Variants in FBXO34 observed in about 807,000 individuals in gnomAD.
The protein encoded by FBXO34 is F-box protein 34.
In FBXO34, 12 loss-of-function variants were observed where a neutral mutation model predicts 24.5. The ratio of observed to expected loss-of-function variants is 0.49; its 90% CI spans 0.31 to 0.79. The LOEUF (loss-of-function observed/expected upper bound fraction) is 0.79, where lower values mean the gene tolerates loss of function less well. Ranked by LOEUF, FBXO34 falls within the 30% of genes least tolerant of loss-of-function variation. FBXO34 has a pLI of 0.04. For synonymous variants in FBXO34, 320 were observed against 311.9 expected (o/e 1.03, Z -0.27); for missense variants, 823 against 857.7 (o/e 0.96, Z 0.51).
At chr14:55,348,620 A>G (rs1015599918) in intron 1 of FBXO34, among the ~76,000 whole-genome samples, 5 of 151,966 alleles carry the variant, frequency 3.3e-5, no homozygotes, top group Non-Finnish European at 4.4e-5. Flanking sequence ...CCTCCCACCT[A>G]TGCCTCCCAA....
At chr14:55,395,268 C>T in the FBXO34 span, 6 of 332,688 alleles carry the variant, frequency 1.8e-5, no homozygotes, top group African/African-American at 2.2e-5. Flanking sequence ...CAAGCGCCTG[C>T]GAGGCATAGT....
chr14:55,410,581 A>G, the FBXO34 span, among the ~76,000 whole-genome samples: 1 of 152,238 alleles, frequency 6.6e-6, no homozygotes, highest in Non-Finnish European at 1.5e-5. Flanking sequence ...TCACAGAAAT[A>G]CTAAGAACTC....
intron 1 of FBXO34, chr14:55,298,838 G>T: frequency 6.2e-7 from 1 of 1,612,446 alleles, no homozygotes; most frequent in Non-Finnish European, 8.5e-7. Flanking sequence ...GGTATGAGAA[G>T]CAGCTGGCGC....
chr14:55,346,976 C>T (rs1439234522), intron 1 of FBXO34, among the ~76,000 whole-genome samples: 2 of 152,166 alleles, frequency 1.3e-5, no homozygotes, highest in Non-Finnish European at 2.9e-5. Flanking sequence ...CACATGACCT[C>T]TAAAGTCCCT....
At chr14:55,358,724 G>T (rs1472232380) in intron 3 of FBXO34, among the ~76,000 whole-genome samples, 1 of 152,196 alleles carries the variant, frequency 6.6e-6, no homozygotes, top group Non-Finnish European at 1.5e-5. Context: ...GGGGGTAGTA[G>T]TGGGTGGGGT....
At chr14:55,395,882 G>T in the FBXO34 span, 2 of 1,249,246 alleles carry the variant, frequency 1.6e-6, no homozygotes, top group Non-Finnish European at 2.2e-6. Context: ...AATTTTATAA[G>T]CTCTACCAAC....
intron 1 of FBXO34, among the ~76,000 whole-genome samples, chr14:55,321,293 T>G: frequency 6.6e-6 from 1 of 152,118 alleles, no homozygotes; most frequent in Admixed American, 6.6e-5. Context: ...GGCACGTGCT[T>G]TACACATCCC....
chr14:55,279,663 C>A (rs1346049506), intron 1 of FBXO34, among the ~76,000 whole-genome samples: 1 of 152,186 alleles, frequency 6.6e-6, no homozygotes, highest in East Asian at 1.9e-4. Flanking sequence ...TCTTGTGTCT[C>A]ATTGACTTTG....
chr14:55,398,737 G>A, the FBXO34 span, among the ~76,000 whole-genome samples: 67 of 152,158 alleles, frequency 4.4e-4, no homozygotes, highest in African/African-American at 1.5e-3. Context: ...TTCTACAGCT[G>A]TTGGGCAGTG....
intron 3 of FBXO34, among the ~76,000 whole-genome samples, chr14:55,359,730 A>T (rs140094594): frequency 1.3e-5 from 2 of 152,200 alleles, no homozygotes; most frequent in African/African-American, 2.4e-5. Context: ...CCCCCATTAT[A>T]ACTTACTTCA....
Position 55,330,111 on chromosome 14 carries a change from GTTTTAGT to G in FBXO34, c.-10-20266_-10-20260del, listed in dbSNP as rs529469952. Reference sequence around the variant, plus strand: ...CACTTTTCTCTTCCATCCAAATTTAGTTTTAGTTTTGTAAACTTGGGAAATACTACAC... The same window carrying G: ...CACTTTTCTCTTCCATCCAAATTTAGTTTGTAAACTTGGGAAATACTACAC... On this transcript the variant is annotated intron_variant, in intron 1 of 1. Coordinates refer to ENST00000313833, the MANE Select transcript of FBXO34 (RefSeq NM_017943.4). Among the ~76,000 whole-genome samples the G allele has an allele frequency of 2.0e-5, 3 of 152,250 alleles. No homozygotes were observed. The East Asian group carries it at 5.8e-4, about 29-fold the overall frequency.
At chr14:55,440,032 G>A in the FBXO34 span, among the ~76,000 whole-genome samples, 4 of 148,288 alleles carry the variant, frequency 2.7e-5, no homozygotes, top group Non-Finnish European at 6.0e-5. Context: ...CCCAGGAGGC[G>A]GAGGTTGCAG....
At chr14:55,347,574 C>T (rs1884199891) in intron 1 of FBXO34, among the ~76,000 whole-genome samples, 1 of 152,140 alleles carries the variant, frequency 6.6e-6, no homozygotes, top group East Asian at 1.9e-4. Flanking sequence ...CAGAATCACC[C>T]CACTTTGCAG....
intron 1 of FBXO34, among the ~76,000 whole-genome samples, chr14:55,295,491 C>T (rs1882091471): frequency 6.8e-6 from 1 of 146,284 alleles, no homozygotes; most frequent in Admixed American, 7.1e-5. Context: ...ACCTTCTGGG[C>T]TCAAGCGATT....
At chr14:55,427,960 C>T in the FBXO34 span, among the ~76,000 whole-genome samples, 1 of 117,340 alleles carries the variant, frequency 8.5e-6, no homozygotes, top group Non-Finnish European at 2.0e-5. Flanking sequence ...ACTGCAAGCT[C>T]CGTCTCCCGG....
intron 1 of FBXO34, among the ~76,000 whole-genome samples, chr14:55,323,208 A>ATATAT (rs1883212606): frequency 3.9e-5 from 1 of 25,660 alleles, no homozygotes. Context: ...AAAAAAAAAA[A>ATATAT]AAAAAAAAAA....
the FBXO34 span, chr14:55,440,663 T>C: frequency 8.3e-7 from 1 of 1,206,094 alleles, no homozygotes; most frequent in South Asian, 1.6e-5. Context: ...TACCGGCCCA[T>C]GGGCGCTGGG....
chr14:55,419,244 A>C, the FBXO34 span, among the ~76,000 whole-genome samples: 2 of 152,224 alleles, frequency 1.3e-5, no homozygotes, highest in Non-Finnish European at 2.9e-5. Flanking sequence ...GATATCGTTA[A>C]GTTTACTAAG....
chr14:55,329,934 TTTTG>T (rs1883477144), intron 1 of FBXO34, among the ~76,000 whole-genome samples: 1 of 152,206 alleles, frequency 6.6e-6, no homozygotes, highest in African/African-American at 2.4e-5. Flanking sequence ...TGGCCTGTTT[TTTTG>T]TTTCTCTACT....
Sources: allele counts gnomAD v4.1 joint callset (sites outside exome capture counted in the v4.1 genomes callset), GRCh38; gene constraint gnomAD v4.1.1; transcripts MANE v1.5; gene names NCBI Gene and HGNC (gene_info 2026-07-23, HGNC 2026-07-21).